CELF2: variants seen among roughly 807,000 people sequenced by gnomAD.
CELF2 encodes CUG triplet repeat RNA-binding protein 2.
In CELF2, 8 loss-of-function variants were observed where a neutral mutation model predicts 62.6. The ratio of observed to expected loss-of-function variants is 0.13; its 90% confidence interval spans 0.07 to 0.23. The LOEUF is 0.23. Among genes scored for constraint, CELF2 ranks in the 10% least tolerant of loss-of-function variants. The pLI, the probability that CELF2 is intolerant of heterozygous loss-of-function variation, is 1.00. For synonymous variants in CELF2, 258 were observed against 250.0 expected, an observed-to-expected ratio of 1.03 and a Z score of -0.30; for missense variants, 333 against 671.0, an observed-to-expected ratio of 0.50 and a Z score of 5.56.
At chr10:11,033,198 A>G (rs1222374647) in intron 1 of CELF2, among the ~76,000 whole-genome samples, 1 of 151,934 alleles carries the variant, frequency 6.6e-6, no homozygotes, top group Non-Finnish European at 1.5e-5. Flanking sequence ...GGGCAACTCA[A>G]TTTGTACATC....
intron 2 of CELF2, among the ~76,000 whole-genome samples, chr10:11,186,296 C>CTTTTTTTTTTTTTTTT (rs57327671): frequency 1.5e-4 from 17 of 115,478 alleles, no homozygotes; most frequent in East Asian, 2.6e-4. Context: ...GGTTTTGTTG[C>CTTTTTTTTTTTTTTTT]TTTTTTTTTT....
chr10:11,329,035 C>T lies in CELF2; in HGVS notation c.1548C>T (p.Asn516=), dbSNP rs539435223. The part of the protein sequence containing the change: ...RLKVQLKRSK[N]DSKPY ...AGGTGCAGCTGAAGCGTTCCAAAAACGACAGCAAACCTTACTGATCCTAAC... is the reference window on the plus strand; with the variant it reads ...AGGTGCAGCTGAAGCGTTCCAAAAATGACAGCAAACCTTACTGATCCTAAC... Residue 516 remains asparagine, a synonymous_variant, in exon 13 of 13, where the codon AAC becomes AAT. Transcript: ENST00000633077. The surrounding 1 kb of genome is among the most constrained non-coding windows in gnomAD (Gnocchi z 5.5). 16 of 1,613,024 alleles carry T rather than the reference C, an allele frequency of 9.9e-6. No individual in the cohort carries two copies. The highest frequency in any genetic ancestry group is 9.9e-5 in the South Asian group (9 of 91,002).
chr10:11,251,005 C>A (rs375888711), intron 4 of CELF2, among the ~76,000 whole-genome samples: 1 of 152,078 alleles, frequency 6.6e-6, no homozygotes, highest in Non-Finnish European at 1.5e-5. Context: ...GTGGGAGACA[C>A]GAGAGATGAC....
chr10:10,496,037 T>C, the CELF2 span, among the ~76,000 whole-genome samples: 1 of 152,216 alleles, frequency 6.6e-6, no homozygotes, highest in African/African-American at 2.4e-5. Flanking sequence ...TGCTAATCAC[T>C]TTACAAGCAT....
chr10:10,494,231 A>C, the CELF2 span, among the ~76,000 whole-genome samples: 1 of 152,228 alleles, frequency 6.6e-6, no homozygotes, highest in Non-Finnish European at 1.5e-5. Context: ...TTTCAAAGGA[A>C]GGGATGAAAA....
chr10:11,116,036 G>A lies in CELF2; in HGVS notation c.75-49450G>A, dbSNP rs2056483081. The stretch of plus-strand genomic sequence containing the variant: ...GTATCTTGGTTTCCAAATGATAAAT[G>A]CAGGAAAATAGCAAACAGTTTTAAA... On this transcript the variant is annotated intron_variant, in intron 1 of 12. Transcript: ENST00000633077. Among the ~76,000 whole-genome samples, 3 of 152,278 alleles carry A rather than the reference G, an allele frequency of 2.0e-5. No homozygotes were observed. The South Asian group carries it at 6.2e-4, about 32-fold the overall frequency.
At chr10:10,501,129 T>A in the CELF2 span, among the ~76,000 whole-genome samples, 1 of 152,216 alleles carries the variant, frequency 6.6e-6, no homozygotes, top group Non-Finnish European at 1.5e-5. Context: ...GTCTCTGGAG[T>A]GCAGTTGCTG....
intron 1 of CELF2, among the ~76,000 whole-genome samples, chr10:11,146,147 C>A (rs1242041396): frequency 2.0e-5 from 3 of 152,198 alleles, no homozygotes; most frequent in Non-Finnish European, 4.4e-5. Flanking sequence ...GGGTCTGAAG[C>A]ATCAAAACCC....
chr10:11,064,184 T>G lies in CELF2; in HGVS notation c.74+46021T>G, dbSNP rs572324750. The stretch of plus-strand genomic sequence containing the variant: ...TGCACAATTAACAGAATCATCTCAT[T>G]TCACTGACAGATTTAACCTGATTCT... On this transcript the variant is annotated intron_variant, in intron 1 of 12. Coordinates refer to ENST00000633077, the MANE Select transcript of CELF2 (RefSeq NM_001326342.2). 2.9e-4 allele frequency among the ~76,000 whole-genome samples: 44 copies of G among 152,344 alleles called. 1 individual carries two copies. In the South Asian group the frequency reaches 8.9e-3, roughly 31 times the overall value.
the CELF2 span, among the ~76,000 whole-genome samples, chr10:10,643,125 C>T: frequency 6.6e-6 from 1 of 152,218 alleles, no homozygotes; most frequent in African/African-American, 2.4e-5. Context: ...CAGAAGAGGA[C>T]AAACATGCAT....
At chr10:10,470,745 T>G in the CELF2 span, among the ~76,000 whole-genome samples, 1 of 151,030 alleles carries the variant, frequency 6.6e-6, no homozygotes, top group Non-Finnish European at 1.5e-5. Flanking sequence ...AATCTCCCTA[T>G]CTCAAAGTCC....
rs554912667 is a variant in CELF2, at chr10:11,165,405, C to T, written c.75-81C>T. On this transcript the variant is annotated intron_variant, in intron 1 of 12. Coordinates refer to ENST00000633077, the MANE Select transcript of CELF2 (RefSeq NM_001326342.2). The surrounding 1 kb of genome is among the most constrained non-coding windows in gnomAD (Gnocchi z 7.4). ...CTTCTTCCTCCTCCTTCCGCCTCCC[C>T]GCTCCCCCACCCCCACTATTTTTTC... is the stretch of plus-strand genomic sequence containing the variant. 2.0e-6 allele frequency: 3 copies of T among 1,533,664 alleles called. No individual in the cohort carries two copies. Among genetic ancestry groups the T allele is most frequent in the African/African-American group, 2.8e-5 (2 of 71,974 alleles).
chr10:10,580,438 T>C, the CELF2 span, among the ~76,000 whole-genome samples: 1 of 152,182 alleles, frequency 6.6e-6, no homozygotes, highest in Non-Finnish European at 1.5e-5. Flanking sequence ...AGAAATCCTT[T>C]TTTTACTCTT....
intron 1 of CELF2, among the ~76,000 whole-genome samples, chr10:11,033,577 G>GT (rs1388026595): frequency 6.6e-6 from 1 of 152,150 alleles, no homozygotes; most frequent in Non-Finnish European, 1.5e-5. Context: ...TTTTTGACAG[G>GT]TTATTTGTTG....
intron 7 of CELF2, 101 bp from the exon 8 acceptor site, chr10:11,274,956 C>A: frequency 8.7e-7 from 1 of 1,148,290 alleles, no homozygotes; most frequent in Non-Finnish European, 1.3e-6. Context: ...GAGTAGCAAC[C>A]AACCCTGGAA....
At chr10:10,688,459 G>A in the CELF2 span, among the ~76,000 whole-genome samples, 2 of 152,162 alleles carry the variant, frequency 1.3e-5, no homozygotes, top group African/African-American at 2.4e-5. Flanking sequence ...TCCATTTAGT[G>A]TGTTTAACTA....
At chr10:10,889,124 G>T (rs1241508000) in intron 1 of CELF2, among the ~76,000 whole-genome samples, 2 of 152,176 alleles carry the variant, frequency 1.3e-5, no homozygotes, top group Admixed American at 6.5e-5. Flanking sequence ...GCAGAAAGAG[G>T]TTGTGAAACT....
At chr10:10,789,365 C>T in the CELF2 span, among the ~76,000 whole-genome samples, 1 of 151,948 alleles carries the variant, frequency 6.6e-6, no homozygotes, top group African/African-American at 2.4e-5. Flanking sequence ...ATAGATATGT[C>T]ATATGCATAT....
chr10:10,884,929 T>G (rs1024979643), intron 1 of CELF2, among the ~76,000 whole-genome samples: 4 of 152,180 alleles, frequency 2.6e-5, no homozygotes, highest in African/African-American at 9.7e-5. Flanking sequence ...GCTAAGCACT[T>G]AGTAAGTGAT....
Sources: allele counts gnomAD v4.1 joint callset (sites outside exome capture counted in the v4.1 genomes callset), GRCh38; gene constraint gnomAD v4.1.1; non-coding constraint Gnocchi (gnomAD v3.1); transcripts MANE v1.5; gene names NCBI Gene and HGNC (gene_info 2026-07-23, HGNC 2026-07-21).